Variants in CLSTN3 observed in about 807,000 individuals in gnomAD.
The protein encoded by CLSTN3 is calsyntenin 3.
In CLSTN3, 36 loss-of-function variants were observed where a neutral mutation model predicts 95.9. The ratio of observed to expected loss-of-function variants is 0.38; its 90% CI spans 0.29 to 0.50. CLSTN3 has a LOEUF of 0.50. CLSTN3 is among the 20% of genes least tolerant of loss of function. The pLI, the probability that CLSTN3 is intolerant of heterozygous loss-of-function variation, is 0.95. For synonymous variants in CLSTN3, 481 were observed against 504.0 expected, an observed-to-expected ratio of 0.95 and a Z score of 0.61; for missense variants, 1,084 against 1,268.8, an observed-to-expected ratio of 0.85 and a Z score of 2.21.
rs1285989419 is a variant in CLSTN3 at position 7,133,402 on chromosome 12, T to A, written c.188-171T>A. Among the ~76,000 whole-genome samples the A allele has an allele frequency of 6.6e-6, 1 of 152,178 alleles. No homozygotes were observed. Among genetic ancestry groups the A allele is most frequent in the Non-Finnish European group, 1.5e-5 (1 of 68,034 alleles). ...AGGTCTGGAGGCTCTGGGAGGTTGC[T>A]GCTCAGGGAAGCTGGGCTTAGAGTT... On this transcript the variant is annotated intron_variant, in intron 2 of 17. Transcript: ENST00000266546. This position sits in a 1 kb window ranked among gnomAD's most constrained non-coding sequence, Gnocchi z 4.7.
At chr12:7,135,677 A>G (rs1939398653) in intron 4 of CLSTN3, 127 bp from the exon 5 acceptor site, 1 of 1,361,402 alleles carries the variant, frequency 7.3e-7, no homozygotes, top group Non-Finnish European at 1.0e-6. Context: ...TTCTCCTCCC[A>G]GATGCCTTTT....
At position 7,136,315 on chromosome 12, in the gene CLSTN3, A is replaced by G. The variant is rs377471817; in HGVS notation, c.852A>G (p.Ile284Met). The change falls in exon 6 of 18, where the codon ATA (isoleucine) becomes ATG (methionine). Residue 284 changes from isoleucine to methionine, a missense_variant. Coordinates refer to ENST00000266546, the MANE Select transcript of CLSTN3 (RefSeq NM_014718.4). Reference protein sequence around the residue: ...DEPLWNIQATIELQTSHVAKG... With the variant: ...DEPLWNIQATMELQTSHVAKG... ...CACTCTGGAACATTCAGGCCACCAT[A>G]GAGCTGCAGACCAGCCATGTGGCCA... 5.6e-6 allele frequency: 9 copies of G among 1,614,084 alleles called. No individual in the cohort carries two copies. The African/African-American group carries it at 1.2e-4, about 22-fold the overall frequency.
At chr12:7,139,662 T>A (rs994427514) in intron 8 of CLSTN3, among the ~76,000 whole-genome samples, 6 of 151,896 alleles carry the variant, frequency 4.0e-5, no homozygotes, top group East Asian at 3.9e-4. Context: ...TATTATTTTT[T>A]TTTTTGAGAT....
chr12:7,153,481 C>T (rs1464867441), intron 16 of CLSTN3, among the ~76,000 whole-genome samples: 1 of 152,124 alleles, frequency 6.6e-6, no homozygotes, highest in Non-Finnish European at 1.5e-5. Context: ...CTGTGATTCA[C>T]TATAGCAAGT....
At position 7,135,536 on chromosome 12, in the gene CLSTN3, G is replaced by A; in HGVS notation, c.592+1G>A. On this transcript the variant is annotated splice_donor_variant, in intron 4 of 17. Coordinates refer to ENST00000266546, the MANE Select transcript of CLSTN3 (RefSeq NM_014718.4). LOFTEE classifies it high-confidence loss of function. ...ACCCCTTTCCTCATTGACAATGACGGTGAGTCCACCCCTGGCTTCCCTGGC... is the reference window on the plus strand; with the variant it reads ...ACCCCTTTCCTCATTGACAATGACGATGAGTCCACCCCTGGCTTCCCTGGC... 1.2e-6 allele frequency: 2 copies of A among 1,613,818 alleles called. No individual in the cohort carries two copies. The highest frequency in any genetic ancestry group is 1.7e-6 in the Non-Finnish European group (2 of 1,179,766).
intron 12 of CLSTN3, among the ~76,000 whole-genome samples, chr12:7,147,009 CT>C (rs1175331253): frequency 6.6e-6 from 1 of 152,126 alleles, no homozygotes; most frequent in Non-Finnish European, 1.5e-5. Flanking sequence ...GAGATGATGC[CT>C]TCTCCCTTTT....
intron 1 of CLSTN3, chr12:7,131,502 G>A: frequency 3.1e-6 from 1 of 319,378 alleles, no homozygotes; most frequent in Non-Finnish European, 6.2e-6. Context: ...AAGGGTAAAG[G>A]TGGAGGCAGA....
intron 5 of CLSTN3, 43 bp from the exon 6 acceptor site, chr12:7,136,163 A>T: frequency 6.3e-7 from 1 of 1,591,326 alleles, no homozygotes; most frequent in Non-Finnish European, 8.6e-7. Flanking sequence ...AGGCTGCTTT[A>T]CCCTTCTCTC....
In CLSTN3 at chr12:7,150,559, C is replaced by G; in HGVS notation, c.2261C>G (p.Thr754Ser). The G allele has an allele frequency of 1.9e-6, 3 of 1,612,216 alleles. No individual in the cohort carries two copies. The highest frequency in any genetic ancestry group is 2.5e-6 in the Non-Finnish European group (3 of 1,178,518). ...YLTIAGVESI[T>S]VYEEILRQAR... ...TCATCTCCAGGGGTGGAGAGCATCA[C>G]TGTGTATGAAGAGATCCTGAGGCAG... Residue 754 changes from threonine (T) to serine (S), a missense_variant, in exon 15 of 18, where the codon ACT (threonine) becomes AGT (serine). Physicochemically the swap from Thr to Ser is moderately conservative, Grantham distance 58. Coordinates refer to ENST00000266546, the MANE Select transcript of CLSTN3 (RefSeq NM_014718.4). The surrounding 1 kb of genome is among the most constrained non-coding windows in gnomAD (Gnocchi z 4.0).
chr12:7,141,545 C>T lies in CLSTN3; in HGVS notation c.1486+141C>T. 3 of 879,006 alleles carry T rather than the reference C, an allele frequency of 3.4e-6. No individual in the cohort carries two copies. The highest frequency in any genetic ancestry group is 5.5e-6 in the Non-Finnish European group (3 of 544,342). The allele number at this position is 879,006 out of a possible 1,614,324, so 54.5% of individuals were successfully genotyped here. On this transcript the variant is annotated intron_variant, in intron 9 of 17. Transcript: ENST00000266546. The surrounding 1 kb of genome is among the most constrained non-coding windows in gnomAD (Gnocchi z 4.1). ...CTGTGCAGGGTGACTCTGAAGATCT[C>T]CATGGGAAGGGACCACAGCCTCCCT...
At chr12:7,135,192 T>A (rs749036649) in intron 3 of CLSTN3, 135 bp from the exon 4 acceptor site, 2 of 793,838 alleles carry the variant, frequency 2.5e-6, no homozygotes, top group South Asian at 3.4e-5. Context: ...TCCCTCCATG[T>A]GCCGTATCAA....
chr12:7,150,603 C>T lies in CLSTN3; in HGVS notation c.2305C>T (p.His769Tyr), dbSNP rs1270039483. 6.2e-7 allele frequency: 1 copy of T among 1,614,036 alleles called. No homozygotes were observed. The highest frequency in any genetic ancestry group is 8.5e-7 in the Non-Finnish European group (1 of 1,180,000). ...GAGGCAGGCTCGTTATCGGCTGCGA[C>T]ACGGAGCTGCCCTCTACACCAGGAA... ...ILRQARYRLRHGAALYTRKFR... is the reference protein window; with the variant it reads ...ILRQARYRLRYGAALYTRKFR... The change falls in exon 15 of 18, where the codon CAC becomes TAC. Residue 769 changes from histidine to tyrosine, a missense_variant. Coordinates refer to ENST00000266546, the MANE Select transcript of CLSTN3 (RefSeq NM_014718.4). This position sits in a 1 kb window ranked among gnomAD's most constrained non-coding sequence, Gnocchi z 4.0.
chr12:7,142,501 C>T (rs760771350), intron 10 of CLSTN3, among the ~76,000 whole-genome samples: 2 of 152,166 alleles, frequency 1.3e-5, no homozygotes, highest in African/African-American at 4.8e-5. Flanking sequence ...ACTGGAAAGA[C>T]GTTCTCTCCT....
chr12:7,131,051 A>G, intron 1 of CLSTN3: 1 of 447,576 alleles, frequency 2.2e-6, no homozygotes, highest in Non-Finnish European at 4.1e-6. Flanking sequence ...ACTGCCCCCG[A>G]GCCGGTGATA....
Position 7,158,134 on chromosome 12 carries a change from A to T in CLSTN3, c.*53A>T. ...GGAATTCTGCCCTGGTGAAACAGAC[A>T]CTCCAGACATGGGAGAAGGACTTTC... On this transcript the variant is annotated 3_prime_UTR_variant, in exon 18 of 18. Transcript: ENST00000266546. 6.9e-7 allele frequency: 1 copy of T among 1,452,576 alleles called. No homozygotes were observed. Among genetic ancestry groups the T allele is most frequent in the Non-Finnish European group, 9.1e-7 (1 of 1,094,322 alleles). 90.0% of individuals were successfully genotyped at this position (1,452,576 alleles called of 1,614,324 possible). A position where few individuals can be genotyped will look rare whatever the true frequency, so the allele number is the denominator to read the frequency against.
At chr12:7,146,378 C>T (rs1051324773) in intron 12 of CLSTN3, among the ~76,000 whole-genome samples, 7 of 151,574 alleles carry the variant, frequency 4.6e-5, no homozygotes, top group East Asian at 1.9e-4. Flanking sequence ...CCAGCCTGGG[C>T]GACAAAGCGA....
At chr12:7,135,668 TCTC>T (rs1185029783) in intron 4 of CLSTN3, 133 bp downstream of exon 4, 23 of 1,348,846 alleles carry the variant, frequency 1.7e-5, no homozygotes, top group African/African-American at 2.9e-5. Flanking sequence ...AATGGAGCCT[TCTC>T]CTCCCAGATG....
chr12:7,142,772 T>G, intron 10 of CLSTN3, 97 bp from the exon 11 acceptor site: 1 of 1,010,314 alleles, frequency 9.9e-7, no homozygotes, highest in Non-Finnish European at 1.5e-6. Context: ...TTCTCAACTC[T>G]TCTGCTCTTT....
At position 7,158,109 on chromosome 12, in the gene CLSTN3, G is replaced by A. The variant is rs2135822842; in HGVS notation, c.*28G>A. The A allele has an allele frequency of 1.4e-6, 2 of 1,478,908 alleles. No homozygotes were observed. Among genetic ancestry groups the A allele is most frequent in the African/African-American group, 1.4e-5 (1 of 71,208 alleles). 91.6% of individuals were successfully genotyped at this position (1,478,908 alleles called of 1,614,324 possible). A position where few individuals can be genotyped will look rare whatever the true frequency, so the allele number is the denominator to read the frequency against. Reference sequence around the variant, plus strand: ...CCTACACCTCTCCCCACGCAGAGGGGGAATTCTGCCCTGGTGAAACAGACA... The same window carrying A: ...CCTACACCTCTCCCCACGCAGAGGGAGAATTCTGCCCTGGTGAAACAGACA... On this transcript the variant is annotated 3_prime_UTR_variant, in exon 18 of 18. Coordinates refer to ENST00000266546, the MANE Select transcript of CLSTN3 (RefSeq NM_014718.4).
Sources: allele counts gnomAD v4.1 joint callset (sites outside exome capture counted in the v4.1 genomes callset), GRCh38; gene constraint gnomAD v4.1.1; non-coding constraint Gnocchi (gnomAD v3.1); transcripts MANE v1.5; gene names NCBI Gene and HGNC (gene_info 2026-07-23, HGNC 2026-07-21).